Variants in MYO1E observed in about 807,000 individuals in gnomAD.
MYO1E encodes myosin IE, also known as unconventional myosin-Ie.
Under a neutral mutation model 151.1 loss-of-function variants are expected in MYO1E, and 68 were observed. The ratio of observed to expected loss-of-function variants is 0.45; its 90% CI spans 0.37 to 0.55. MYO1E has a LOEUF of 0.55. Ranked by LOEUF, MYO1E falls within the 20% of genes least tolerant of loss-of-function variation. The pLI, the probability that MYO1E is intolerant of heterozygous loss-of-function variation, is 0.00. For synonymous variants in MYO1E, 601 were observed against 501.7 expected (o/e 1.20, Z -2.64); for missense variants, 1,363 against 1,389.3 (o/e 0.98, Z 0.30).
chr15:59,313,477 A>G (rs573622247), intron 1 of MYO1E, among the ~76,000 whole-genome samples: 1 of 152,238 alleles, frequency 6.6e-6, no homozygotes, highest in African/African-American at 2.4e-5. Flanking sequence ...TAATAATGGG[A>G]GTACAGATGC....
intron 18 of MYO1E, among the ~76,000 whole-genome samples, chr15:59,180,145 C>T (rs996351200): frequency 2.0e-5 from 3 of 152,184 alleles, no homozygotes; most frequent in Non-Finnish European, 4.4e-5. Context: ...GGTAAATCCT[C>T]CTATTCCCTA....
chr15:59,239,131 G>A (rs533214762), intron 4 of MYO1E, among the ~76,000 whole-genome samples: 19 of 151,360 alleles, frequency 1.3e-4, no homozygotes, highest in Non-Finnish European at 1.9e-4. Flanking sequence ...TCTTGAACCC[G>A]GGAGGCAGAG....
intron 1 of MYO1E, among the ~76,000 whole-genome samples, chr15:59,362,971 ACTTT>A (rs1294048536): frequency 1.9e-5 from 2 of 103,238 alleles, no homozygotes; most frequent in African/African-American, 6.1e-5. Context: ...TTCTAGTATG[ACTTT>A]CTTTTTTTTT....
Position 59,163,225 on chromosome 15 carries a change from G to A in MYO1E, c.2559C>T (p.Phe853=). 1 of 1,614,118 alleles carries A rather than the reference G, an allele frequency of 6.2e-7. No individual in the cohort carries two copies. Residue 853 remains phenylalanine, a synonymous_variant, in exon 23 of 28, where the codon TTC becomes TTT. Transcript: ENST00000288235. ...SLLESVFKTE[F]LSLLAKRYEE... ...CGTAACGCTTTGCTAAGAGGCTTAG[G>A]AATTCAGTTTTGAAGACAGATTCAA...
intron 8 of MYO1E, 106 bp from the exon 9 acceptor site, chr15:59,223,297 G>C: frequency 1.6e-6 from 2 of 1,225,982 alleles, no homozygotes; most frequent in Non-Finnish European, 2.3e-6. Flanking sequence ...GATGTGACAA[G>C]TACAGACGAG....
chr15:59,312,981 C>T (rs963824161), intron 1 of MYO1E, among the ~76,000 whole-genome samples: 5 of 152,290 alleles, frequency 3.3e-5, no homozygotes, highest in Admixed American at 1.3e-4. Flanking sequence ...GCGGAGATCA[C>T]GCCATTGCAC....
intron 2 of MYO1E, among the ~76,000 whole-genome samples, chr15:59,268,718 G>GCATTTTTT (rs2080270852): frequency 8.3e-5 from 1 of 12,044 alleles, no homozygotes; most frequent in Non-Finnish European, 4.1e-4. Context: ...GGTGACTTTG[G>GCATTTTTT]TATTTTTTTT....
At chr15:59,223,266 A>C in intron 8 of MYO1E, 75 bp from the exon 9 acceptor site, 1 of 1,572,016 alleles carries the variant, frequency 6.4e-7, no homozygotes, top group Non-Finnish European at 8.7e-7. Context: ...AAGCCAAGGC[A>C]CAGCAGCTGC....
At chr15:59,281,267 T>A (rs1479856990) in intron 1 of MYO1E, among the ~76,000 whole-genome samples, 3 of 151,652 alleles carry the variant, frequency 2.0e-5, no homozygotes, top group Admixed American at 6.6e-5. Context: ...TTTCTTTTCT[T>A]TTTCTTTTCT....
intron 6 of MYO1E, among the ~76,000 whole-genome samples, chr15:59,228,533 T>C (rs114895371): frequency 0.017 from 2,552 of 151,390 alleles, 77 homozygotes; most frequent in African/African-American, 0.058. Context: ...TATATATATT[T>C]CATATGTATA....
In MYO1E at chr15:59,135,275, G is replaced by C. The variant is rs900485313; in HGVS notation, c.*2105C>G. 6.6e-5 allele frequency: 10 copies of C among 152,224 alleles called. No homozygotes were observed. Among genetic ancestry groups the C allele is most frequent in the African/African-American group, 9.7e-5 (4 of 41,448 alleles). The allele number at this position is 152,224 out of a possible 1,614,324, so 9.4% of individuals were successfully genotyped here. On this transcript the variant is annotated 3_prime_UTR_variant, in exon 28 of 28. Transcript: ENST00000288235. ...GTGACCTAGAGCCCGATGGTTCCCA[G>C]TTACACACAAGTGTAAAATGCCAAT...
At chr15:59,145,342 G>C (rs1021755963) in intron 26 of MYO1E, among the ~76,000 whole-genome samples, 2 of 152,186 alleles carry the variant, frequency 1.3e-5, no homozygotes, top group African/African-American at 4.8e-5. Context: ...AGAACTTTCA[G>C]GAATTTTGTG....
intron 22 of MYO1E, among the ~76,000 whole-genome samples, chr15:59,164,462 G>A (rs948212159): frequency 6.6e-6 from 1 of 152,198 alleles, no homozygotes; most frequent in South Asian, 2.1e-4. Flanking sequence ...CCAGAGCCCT[G>A]CAGCATCACT....
At chr15:59,279,276 G>A (rs187770278) in intron 1 of MYO1E, among the ~76,000 whole-genome samples, 1 of 152,214 alleles carries the variant, frequency 6.6e-6, no homozygotes, top group East Asian at 1.9e-4. Context: ...GTGGTGCCTG[G>A]AATCAACCTT....
intron 6 of MYO1E, 128 bp from the exon 7 acceptor site, chr15:59,227,718 T>A (rs1434602616): frequency 7.7e-6 from 10 of 1,296,292 alleles, no homozygotes; most frequent in Non-Finnish European, 1.1e-5. Flanking sequence ...TTACTCCTAA[T>A]TTGAGTCTAG....
At chr15:59,201,033 C>G (rs987796713) in intron 16 of MYO1E, among the ~76,000 whole-genome samples, 7 of 152,022 alleles carry the variant, frequency 4.6e-5, no homozygotes, top group African/African-American at 1.7e-4. Flanking sequence ...TATTCTTAAC[C>G]AGTATGATTT....
intron 2 of MYO1E, among the ~76,000 whole-genome samples, chr15:59,261,981 C>T (rs910618445): frequency 6.6e-6 from 1 of 152,028 alleles, no homozygotes; most frequent in Admixed American, 6.5e-5. Context: ...GTGGGGAGAT[C>T]ATTTGAGGTC....
At chr15:59,323,853 G>A (rs28775006) in intron 1 of MYO1E, among the ~76,000 whole-genome samples, 1 of 151,920 alleles carries the variant, frequency 6.6e-6, no homozygotes, top group Non-Finnish European at 1.5e-5. Flanking sequence ...AGAGCCCCTG[G>A]GGGGCTGTCA....
Position 59,214,641 on chromosome 15 carries a change from T to C in MYO1E, c.1187A>G (p.Gln396Arg), listed in dbSNP as rs199708161. 4.4e-6 allele frequency: 7 copies of C among 1,608,812 alleles called. No homozygotes were observed. The highest frequency in any genetic ancestry group is 1.3e-5 in the African/African-American group (1 of 74,914). The change falls in exon 11 of 28, where the codon CAG becomes CGG. Residue 396 changes from glutamine (Q) to arginine (R), a missense_variant and splice_region_variant. Gln to Arg is a conservative substitution (Grantham distance 43). Transcript: ENST00000288235. ...CCTAGTTATTAAAACTGGCCTTACC[T>C]GGAATATTTCAAAGCCATAGATGTC... ...VLDIYGFEIFQKNGFEQFCIN... is the reference protein window; with the variant it reads ...VLDIYGFEIFRKNGFEQFCIN...
Sources: gnomAD v4.1 joint callset for allele counts (sites outside exome capture counted in the v4.1 genomes callset) on GRCh38, gnomAD v4.1.1 for gene constraint, MANE v1.5 for transcripts, NCBI Gene and HGNC (gene_info 2026-07-23, HGNC 2026-07-21) for gene names.